The following RYR3 variants were observed in gnomAD, a reference collection of about 807,000 sequenced individuals.
RYR3 encodes the protein brain ryanodine receptor-calcium release channel.
In RYR3, 207 loss-of-function variants were observed where a neutral mutation model predicts 584.3. The observed-to-expected ratio is 0.35, with a 90% CI of 0.32 to 0.40. The LOEUF is 0.40. RYR3 is among the 10% of genes least tolerant of loss of function. RYR3 has a pLI of 1.00. For synonymous variants in RYR3, 2,416 were observed against 2,248.5 expected (o/e 1.07, Z -2.11); for missense variants, 5,616 against 6,089.2 (o/e 0.92, Z 2.59).
At chr15:33,858,112 T>C (rs1004367915) in intron 99 of RYR3, 198 bp downstream of exon 99, 3 of 684,370 alleles carry the variant, frequency 4.4e-6, no homozygotes, top group Admixed American at 3.0e-5. Flanking sequence ...GTGATGGAGG[T>C]AGTTTTCATT....
At chr15:33,424,976 C>G (rs1284773936) in intron 1 of RYR3, among the ~76,000 whole-genome samples, 2 of 152,162 alleles carry the variant, frequency 1.3e-5, no homozygotes, top group Non-Finnish European at 2.9e-5. Context: ...ATAACTTTAC[C>G]TACAGCAATC....
intron 31 of RYR3, among the ~76,000 whole-genome samples, chr15:33,650,428 G>A (rs2152685210): frequency 6.6e-6 from 1 of 152,240 alleles, no homozygotes; most frequent in South Asian, 2.1e-4. Context: ...AACTGCCTGG[G>A]TTCTTAGGGG....
chr15:33,609,265 T>G (rs2060053491), intron 18 of RYR3, among the ~76,000 whole-genome samples: 1 of 152,256 alleles, frequency 6.6e-6, no homozygotes. Context: ...TTCACAAATA[T>G]TTCTTAGAAT....
At position 33,716,178 on chromosome 15, in the gene RYR3, C is replaced by T. The variant is rs972588758; in HGVS notation, c.6620-6537C>T. 3.2e-4 allele frequency among the ~76,000 whole-genome samples: 49 copies of T among 152,314 alleles called. 1 individual carries two copies. The highest frequency in any genetic ancestry group is 3.4e-3 in the Middle Eastern group (1 of 292). On this transcript the variant is annotated intron_variant, in intron 43 of 103. Coordinates refer to ENST00000634891, the MANE Select transcript of RYR3 (RefSeq NM_001036.6). ...TCACCAGAAACCAAGCAGTTGCTGGCACCGTTTCCTGTATAGCCTGCAGAA... is the reference window on the plus strand; with the variant it reads ...TCACCAGAAACCAAGCAGTTGCTGGTACCGTTTCCTGTATAGCCTGCAGAA...
intron 2 of RYR3, among the ~76,000 whole-genome samples, chr15:33,480,434 G>C (rs927931893): frequency 6.6e-6 from 1 of 152,232 alleles, no homozygotes; most frequent in African/African-American, 2.4e-5. Context: ...GTAGCATTTA[G>C]TATCAGCACA....
intron 3 of RYR3, among the ~76,000 whole-genome samples, chr15:33,521,981 C>T (rs1479445138): frequency 1.3e-5 from 2 of 151,208 alleles, no homozygotes; most frequent in Non-Finnish European, 2.9e-5. Context: ...TGGCCAGATG[C>T]GGTGGCTCAT....
In RYR3 at chr15:33,728,794, G is replaced by A. The variant is rs112519073; in HGVS notation, c.7034-63G>A. ...AATAAGCTATAGACAGACAAGCTCT[G>A]TGTTATCTTTTGAGACTTTGGAGAC... On this transcript the variant is annotated intron_variant, in intron 46 of 103. Transcript: ENST00000634891. The A allele has an allele frequency of 1.2e-3, 1,751 of 1,488,216 alleles. 26 individuals carry two copies. The African/African-American group carries it at 0.021, about 18-fold the overall frequency. The allele number at this position is 1,488,216 out of a possible 1,614,324, so 92.2% of individuals were successfully genotyped here.
At chr15:33,637,282 T>C (rs558310704) in intron 27 of RYR3, among the ~76,000 whole-genome samples, 11 of 152,356 alleles carry the variant, frequency 7.2e-5, no homozygotes, top group African/African-American at 2.6e-4. Context: ...GTTTGACCTC[T>C]CTGAGCTTTA....
chr15:33,768,583 C>A lies in RYR3; in HGVS notation c.8706-75C>A, dbSNP rs2073302822. On this transcript the variant is annotated intron_variant, in intron 60 of 103. Coordinates refer to ENST00000634891, the MANE Select transcript of RYR3 (RefSeq NM_001036.6). ...GCTCTCTGTTTCACAGTGTAAGGGA[C>A]ATTGGGGTGGGGGATACAAAGCGTG... The A allele has an allele frequency of 2.4e-6, 3 of 1,246,532 alleles. No homozygotes were observed. In the South Asian group the frequency reaches 3.6e-5, roughly 15 times the overall value. The allele number at this position is 1,246,532 out of a possible 1,614,324, so 77.2% of individuals were successfully genotyped here. A position where few individuals can be genotyped will look rare whatever the true frequency, so the allele number is the denominator to read the frequency against.
intron 1 of RYR3, among the ~76,000 whole-genome samples, chr15:33,462,111 T>G (rs1053189776): frequency 6.6e-6 from 1 of 152,222 alleles, no homozygotes; most frequent in African/African-American, 2.4e-5. Context: ...ATTTTGCCTG[T>G]AAGTGACCTG....
At chr15:33,760,235 G>A (rs1047926228) in intron 60 of RYR3, among the ~76,000 whole-genome samples, 1 of 152,094 alleles carries the variant, frequency 6.6e-6, no homozygotes, top group Admixed American at 6.6e-5. Context: ...CAACTAATGG[G>A]CAAAATAACC....
intron 43 of RYR3, 49 bp from the exon 44 acceptor site, chr15:33,722,666 C>T (rs2068030713): frequency 6.6e-7 from 1 of 1,518,884 alleles, no homozygotes; most frequent in East Asian, 2.3e-5. Flanking sequence ...GAAATAAATT[C>T]TGGGGTTGTC....
At position 33,843,475 on chromosome 15, in the gene RYR3, C is replaced by G. The variant is rs117754976; in HGVS notation, c.13210-13C>G. 39,201 of 1,585,260 alleles carry G rather than the reference C, an allele frequency of 0.025. 566 individuals carry two copies. The highest frequency in any genetic ancestry group is 0.03 in the Non-Finnish European group (34,876 of 1,161,714). On this transcript the variant is annotated splice_polypyrimidine_tract_variant and intron_variant, in intron 91 of 103. Coordinates refer to ENST00000634891, the MANE Select transcript of RYR3 (RefSeq NM_001036.6). ...CAAAGCTCTTCTACTTCTGCCTGTC[C>G]TTTTCTTTGCAGCATTACCTGGCCA...
intron 67 of RYR3, among the ~76,000 whole-genome samples, chr15:33,794,345 A>ATC (rs1191833500): frequency 7.4e-6 from 1 of 135,314 alleles, no homozygotes; most frequent in Non-Finnish European, 1.6e-5. Flanking sequence ...TTATATATAT[A>ATC]AAAATATATA....
chr15:33,514,532 TATTCATGGTGGAGCCATTCCTTAAA>T (rs2053329700), intron 3 of RYR3, among the ~76,000 whole-genome samples: 1 of 152,180 alleles, frequency 6.6e-6, no homozygotes, highest in South Asian at 2.1e-4. Context: ...AGGTGGAAAT[TATTCATGGTGGAGCCATTCCTTAAA>T]ATACTCATTT....
chr15:33,661,402 AT>A (rs1357336735), intron 34 of RYR3, among the ~76,000 whole-genome samples: 1 of 152,100 alleles, frequency 6.6e-6, no homozygotes, highest in Non-Finnish European at 1.5e-5. Flanking sequence ...CAAAACAAGT[AT>A]GTTTGTTTTC....
At position 33,554,548 on chromosome 15, in the gene RYR3, G is replaced by A. The variant is rs59331261; in HGVS notation, c.972+4232G>A. Among the ~76,000 whole-genome samples, 258 of 152,088 alleles carry A rather than the reference G, an allele frequency of 1.7e-3. 1 individual carries two copies. The highest frequency in any genetic ancestry group is 5.0e-3 in the African/African-American group (208 of 41,494). On this transcript the variant is annotated intron_variant, in intron 10 of 103. Transcript: ENST00000634891. ...CCTGACCTCGTGATCCGCCCGCCTC[G>A]GCCTCCCAAAGTGCTGGGATTACAG...
Position 33,311,119 on chromosome 15 carries a change from A to T in RYR3, c.51+23A>T. 2 of 1,557,856 alleles carry T rather than the reference A, an allele frequency of 1.3e-6. No homozygotes were observed. Among genetic ancestry groups the T allele is most frequent in the South Asian group, 1.2e-5 (1 of 85,620 alleles). ...ACTGTGAGTCTCCGCGGCGGGGGCG[A>T]GGCCGTGGGCAGGTGGGGAGGAGCG... On this transcript the variant is annotated intron_variant, in intron 1 of 103. Coordinates refer to ENST00000634891, the MANE Select transcript of RYR3 (RefSeq NM_001036.6). The surrounding 1 kb of genome is among the most constrained non-coding windows in gnomAD (Gnocchi z 4.4).
intron 1 of RYR3, among the ~76,000 whole-genome samples, chr15:33,461,005 C>T (rs1027684718): frequency 7.6e-6 from 1 of 131,226 alleles, no homozygotes; most frequent in African/African-American, 3.0e-5. Context: ...AGTGCAGTGG[C>T]GTGATCTTGG....
Sources: gnomAD v4.1 joint callset for allele counts (sites outside exome capture counted in the v4.1 genomes callset) on GRCh38, gnomAD v4.1.1 for gene constraint, Gnocchi (gnomAD v3.1) non-coding constraint, MANE v1.5 for transcripts, NCBI Gene and HGNC (gene_info 2026-07-23, HGNC 2026-07-21) for gene names.